PKHD1L1: variants seen among roughly 807,000 people sequenced by gnomAD.
PKHD1L1 encodes the protein fibrocystin-L.
In PKHD1L1, 434 loss-of-function variants were observed where a neutral mutation model predicts 462.9. The ratio of observed to expected loss-of-function variants is 0.94; its 90% CI spans 0.87 to 1.02. The LOEUF is 1.02. PKHD1L1 is among the 50% of genes least tolerant of loss of function. The probability of loss-of-function intolerance (pLI) is 0.00; values close to 1 mark genes in which losing one functional copy is unlikely to be tolerated. For synonymous variants in PKHD1L1, 1,781 were observed against 1,750.0 expected, an observed-to-expected ratio of 1.02 and a Z score of -0.44; for missense variants, 5,202 against 5,096.1, an observed-to-expected ratio of 1.02 and a Z score of -0.63.
rs143187555 is a variant in PKHD1L1 at position 109,504,352 on chromosome 8, T to C, written c.10854T>C (p.Asn3618=). ...ISGSTFVGFK[N]VCSGETNVIF... is the part of the protein sequence containing the mutation. ...GTTCAACATTTGTTGGATTTAAGAA[T>C]GTTTGTTCAGGGGAAACTAATGTTA... is the stretch of plus-strand genomic sequence containing the variant. Residue 3618 remains asparagine (N), a synonymous_variant, in exon 68 of 78, where the codon AAT becomes AAC. Coordinates refer to ENST00000378402, the MANE Select transcript of PKHD1L1 (RefSeq NM_177531.6). 87 of 1,475,436 alleles carry C rather than the reference T, an allele frequency of 5.9e-5. No individual in the cohort carries two copies. In the East Asian group the frequency reaches 2.0e-3, roughly 35 times the overall value. The allele number at this position is 1,475,436 out of a possible 1,614,324, so 91.4% of individuals were successfully genotyped here.
rs200184653 is a variant in PKHD1L1, at chr8:109,459,699, C to T, written c.7109C>T (p.Thr2370Met). 105 of 1,611,384 alleles carry T rather than the reference C, an allele frequency of 6.5e-5. No individual in the cohort carries two copies. In the African/African-American group the frequency reaches 1.0e-3, roughly 16 times the overall value. Reference sequence around the variant, plus strand: ...CTAAATTACACACACTTAGGAATTACGGTCACACTCCCTGATGGAACTCTG... The same window carrying T: ...CTAAATTACACACACTTAGGAATTATGGTCACACTCCCTGATGGAACTCTG... ...NPLNYTHLGI[T>M]VTLPDGTLFE... Residue 2370 changes from threonine (T) to methionine (M), a missense_variant, in exon 47 of 78, where the codon ACG (threonine) becomes ATG (methionine). Thr to Met is a moderately conservative substitution (Grantham distance 81). Around this residue, in one of 3 missense-constraint regions of PKHD1L1, gnomAD observed 4,497 missense variants for 4,336.8 expected, o/e 1.04. Coordinates refer to ENST00000378402, the MANE Select transcript of PKHD1L1 (RefSeq NM_177531.6).
chr8:109,435,138 C>T, intron 28 of PKHD1L1, 52 bp from the exon 29 acceptor site: 2 of 1,592,854 alleles, frequency 1.3e-6, no homozygotes, highest in South Asian at 2.2e-5. Context: ...ACTTTTATCT[C>T]ATAAAACCAT....
intron 21 of PKHD1L1, among the ~76,000 whole-genome samples, chr8:109,414,985 TATTATTATTA>T (rs1814064860): frequency 6.8e-6 from 1 of 147,090 alleles, no homozygotes; most frequent in Non-Finnish European, 1.5e-5. Flanking sequence ...TTATTATTAT[TATTATTATTA>T]TTATTATTAT....
rs759444665 is a variant in PKHD1L1, at chr8:109,497,043, C to G, written c.10452C>G (p.Cys3484Trp). Residue 3484 changes from cysteine (C) to tryptophan (W), a missense_variant, in exon 64 of 78, where the codon TGC becomes TGG. Physicochemically the swap from Cys to Trp is radical, Grantham distance 215. This residue lies in a region of PKHD1L1 where 4,497 missense variants were observed against 4,336.8 expected (regional missense o/e 1.04). Transcript: ENST00000378402. ...TACAAGGATTTACCATTTGGACATG[C>G]TGGGATTATGGAATTTATTTTCAGG... The part of the protein sequence containing the change: ...SLIQGFTIWT[C>W]WDYGIYFQTT... 3 of 1,613,330 alleles carry G rather than the reference C, an allele frequency of 1.9e-6. No homozygotes were observed. The highest frequency in any genetic ancestry group is 1.1e-5 in the South Asian group (1 of 90,974).
Position 109,475,217 on chromosome 8 carries a change from G to T in PKHD1L1, c.8705G>T (p.Gly2902Val), listed in dbSNP as rs375324901. The stretch of plus-strand genomic sequence containing the variant: ...AATCACATTAACTGGTATTTTAAAG[G>T]TGTGGATCACATAACCAACATTTCA... ...NANHINWYFKGVDHITNISYT... is the reference protein window; with the variant it reads ...NANHINWYFKVVDHITNISYT... The change falls in exon 51 of 78, where the codon GGT becomes GTT. Residue 2902 changes from glycine (G) to valine (V), a missense_variant. Physicochemically the swap from Gly to Val is moderately radical, Grantham distance 109. Around this residue, in one of 3 missense-constraint regions of PKHD1L1, gnomAD observed 4,497 missense variants for 4,336.8 expected, o/e 1.04. Coordinates refer to ENST00000378402, the MANE Select transcript of PKHD1L1 (RefSeq NM_177531.6). 2.0e-5 allele frequency: 32 copies of T among 1,611,884 alleles called. No homozygotes were observed. In the African/African-American group the frequency reaches 4.1e-4, roughly 21 times the overall value.
chr8:109,389,269 TG>T, intron 8 of PKHD1L1, 117 bp downstream of exon 8: 1 of 722,472 alleles, frequency 1.4e-6, no homozygotes, highest in Non-Finnish European at 2.2e-6. Flanking sequence ...TTTGTTTGTT[TG>T]TTTTTTGTAT....
At chr8:109,441,936 C>T (rs774327263) in intron 34 of PKHD1L1, 71 bp from the exon 35 acceptor site, 1 of 1,308,646 alleles carries the variant, frequency 7.6e-7, no homozygotes, top group Non-Finnish European at 1.0e-6. Context: ...ATATAAATTG[C>T]CATGTTGTCA....
rs764869897 is a variant in PKHD1L1 at position 109,498,731 on chromosome 8, C to T, written c.10788C>T (p.Ile3596=). 6 of 1,613,802 alleles carry T rather than the reference C, an allele frequency of 3.7e-6. No homozygotes were observed. Among genetic ancestry groups the T allele is most frequent in the African/African-American group, 2.7e-5 (2 of 74,934 alleles). The change falls in exon 67 of 78, where the codon ATC becomes ATT. Residue 3596 remains isoleucine, a synonymous_variant. Coordinates refer to ENST00000378402, the MANE Select transcript of PKHD1L1 (RefSeq NM_177531.6). ...CACCCCGAAAGCCCCATGCAGGAAT[C>T]ATGAGTTACAATGCCATCAGTGGCC... The part of the protein sequence containing the change: ...NMAPRKPHAG[I]MSYNAISGLL...
Position 109,435,251 on chromosome 8 carries a change from C to T in PKHD1L1, c.3402C>T (p.Ser1134=). The change falls in exon 29 of 78, where the codon TCC becomes TCT. Residue 1134 remains serine (S), a synonymous_variant. Transcript: ENST00000378402. ...CTGGACATGCCCCCGTTGCTGTGTCCATGGCTGATGTTGGACTAGCACAGA... is the reference window on the plus strand; with the variant it reads ...CTGGACATGCCCCCGTTGCTGTGTCTATGGCTGATGTTGGACTAGCACAGA... ...GSAGHAPVAV[S]MADVGLAQNV... 1 of 1,613,826 alleles carries T rather than the reference C, an allele frequency of 6.2e-7. No individual in the cohort carries two copies. The highest frequency in any genetic ancestry group is 2.2e-5 in the East Asian group (1 of 44,880).
rs893927832 is a variant in PKHD1L1, at chr8:109,435,284, G to T, written c.3435G>T (p.Gly1145=). The T allele has an allele frequency of 4.3e-6, 7 of 1,613,868 alleles. No homozygotes were observed. The Admixed American group carries it at 1.0e-4, about 23-fold the overall frequency. Residue 1145 remains glycine, a synonymous_variant, in exon 29 of 78, where the codon GGG becomes GGT. Coordinates refer to ENST00000378402, the MANE Select transcript of PKHD1L1 (RefSeq NM_177531.6). ...ATGTTGGACTAGCACAGAATGTAGG[G>T]GGTGAAGAGTTCTACTTTGTTTATC... is the stretch of plus-strand genomic sequence containing the variant. ...MADVGLAQNV[G]GEEFYFVYQS... is the part of the protein sequence containing the mutation.
chr8:109,473,916 C>G (rs1195845141), intron 50 of PKHD1L1, among the ~76,000 whole-genome samples: 1 of 152,104 alleles, frequency 6.6e-6, no homozygotes, highest in Non-Finnish European at 1.5e-5. Flanking sequence ...CCTCACTGAG[C>G]AAGCACTTTT....
rs773123061 is a variant in PKHD1L1, at chr8:109,452,861, G to A, written c.6651G>A (p.Met2217Ile). The change falls in exon 43 of 78, where the codon ATG (methionine) becomes ATA (isoleucine). Residue 2217 changes from methionine to isoleucine, a missense_variant. By Grantham distance (10) the Met-to-Ile change is conservative. Transcript: ENST00000378402. ...ATCAAAGCACCCCTATTTTGAAAAT[G>A]TTGCTTATTCAGGGTAAATTTCTGA... ...LLDQSTPILK[M>I]LLIQGGTLIF... 6.9e-7 allele frequency: 1 copy of A among 1,456,678 alleles called. No homozygotes were observed. 90.2% of individuals were successfully genotyped at this position (1,456,678 alleles called of 1,614,324 possible).
Position 109,401,562 on chromosome 8 carries a change from T to C in PKHD1L1, c.1347T>C (p.Asp449=). 1 of 1,587,274 alleles carries C rather than the reference T, an allele frequency of 6.3e-7. No homozygotes were observed. The highest frequency in any genetic ancestry group is 8.6e-7 in the Non-Finnish European group (1 of 1,157,760). The change falls in exon 14 of 78, where the codon GAT becomes GAC. Residue 449 remains aspartate, a synonymous_variant. Transcript: ENST00000378402. Reference sequence around the variant, plus strand: ...TTTCCAGTCCAACACAAAGATCAGATGATATTCATCTGCAGAAAGGAAAAG... The same window carrying C: ...TTTCCAGTCCAACACAAAGATCAGACGATATTCATCTGCAGAAAGGAAAAG... ...SYFSSPTQRS[D]DIHLQKGKEY...
chr8:109,495,857 C>T (rs1292038175), intron 63 of PKHD1L1, among the ~76,000 whole-genome samples: 4 of 152,028 alleles, frequency 2.6e-5, no homozygotes, highest in African/African-American at 9.7e-5. Flanking sequence ...CAATTCATGC[C>T]TGTGTGGGGA....
intron 25 of PKHD1L1, among the ~76,000 whole-genome samples, chr8:109,427,358 T>A (rs1814815671): frequency 1.3e-5 from 2 of 152,210 alleles, no homozygotes; most frequent in Non-Finnish European, 2.9e-5. Flanking sequence ...AGAATAGCTG[T>A]TGGTACTTTA....
rs2131060430 is a variant in PKHD1L1 at position 109,530,666 on chromosome 8, C to G, written c.*576C>G. Among the ~76,000 whole-genome samples the G allele has an allele frequency of 6.6e-6, 1 of 152,100 alleles. No homozygotes were observed. Among genetic ancestry groups the G allele is most frequent in the East Asian group, 1.9e-4 (1 of 5,194 alleles). ...GTAATCCCAGGAATTCTAGACTGTCCTGTATTTCTGGATCTGCCCAACTCT... is the reference window on the plus strand; with the variant it reads ...GTAATCCCAGGAATTCTAGACTGTCGTGTATTTCTGGATCTGCCCAACTCT... On this transcript the variant is annotated 3_prime_UTR_variant, in exon 78 of 78. Coordinates refer to ENST00000378402, the MANE Select transcript of PKHD1L1 (RefSeq NM_177531.6).
Position 109,412,412 on chromosome 8 carries a change from C to A in PKHD1L1, c.2233C>A (p.Gln745Lys). ...AGATATTTTATTGTTTCCTTATAAT[C>A]AGGTAAGCTCAACAAAATGATATGC... is the stretch of plus-strand genomic sequence containing the variant. The part of the protein sequence containing the change: ...YGDILLFPYN[Q>K]LCLAYKGFLA... The change falls in exon 20 of 78, where the codon CAG becomes AAG. Residue 745 changes from glutamine to lysine, a missense_variant and splice_region_variant. Physicochemically the swap from Gln to Lys is moderately conservative, Grantham distance 53 (BLOSUM62 1). Transcript: ENST00000378402. The A allele has an allele frequency of 6.2e-7, 1 of 1,602,998 alleles. No individual in the cohort carries two copies. Among genetic ancestry groups the A allele is most frequent in the South Asian group, 1.1e-5 (1 of 89,660 alleles).
At chr8:109,491,257 T>G (rs1253812594) in intron 61 of PKHD1L1, among the ~76,000 whole-genome samples, 156 bp downstream of exon 61, 3 of 151,946 alleles carry the variant, frequency 2.0e-5, no homozygotes, top group Non-Finnish European at 4.4e-5. Context: ...CATATGTGTC[T>G]ATTGAGCACT....
At chr8:109,514,840 T>C (rs975235357) in intron 71 of PKHD1L1, among the ~76,000 whole-genome samples, 1 of 152,098 alleles carries the variant, frequency 6.6e-6, no homozygotes, top group African/African-American at 2.4e-5. Flanking sequence ...TATAGCTAAG[T>C]CCCTCTTTCC....
Sources: gnomAD v4.1 joint callset for allele counts (sites outside exome capture counted in the v4.1 genomes callset) on GRCh38, gnomAD v4.1.1 for gene constraint, gnomAD v4.1.1 regional missense constraint, MANE v1.5 for transcripts, NCBI Gene and HGNC (gene_info 2026-07-23, HGNC 2026-07-21) for gene names.